The following DACH2 variants were observed in gnomAD, a reference collection of about 807,000 sequenced individuals.
The protein encoded by DACH2 is dachshund homolog 2.
Under a neutral mutation model 35.8 loss-of-function variants are expected in DACH2, and 17 were observed. The ratio of observed to expected loss-of-function variants is 0.48; its 90% CI spans 0.33 to 0.71. The LOEUF (loss-of-function observed/expected upper bound fraction) is 0.71, where lower values mean the gene tolerates loss of function less well. DACH2 is among the 30% of genes least tolerant of loss of function. The pLI, the probability that DACH2 is intolerant of heterozygous loss-of-function variation, is 0.02. For missense variants in DACH2, 469 were observed against 472.7 expected, an observed-to-expected ratio of 0.99 and a Z score of 0.07; for synonymous variants, 195 against 177.3, an observed-to-expected ratio of 1.10 and a Z score of -0.79.
chrX:86,711,430 T>G (rs758710720), intron 5 of DACH2, among the ~76,000 whole-genome samples: 1 of 111,966 alleles, frequency 8.9e-6, no homozygotes, highest in Non-Finnish European at 1.9e-5. Flanking sequence ...AAAAAAAGAA[T>G]TATTCTTTTA....
intron 2 of DACH2, among the ~76,000 whole-genome samples, chrX:86,478,725 G>T (rs1175126205): frequency 9.2e-6 from 1 of 108,635 alleles, no homozygotes; most frequent in African/African-American, 3.4e-5. Flanking sequence ...ATTCCTAGGG[G>T]GAGCAGACAG....
chrX:86,624,588 A>G (rs1602712528), intron 3 of DACH2, among the ~76,000 whole-genome samples: 2 of 112,113 alleles, frequency 1.8e-5, no homozygotes, highest in Non-Finnish European at 3.8e-5. Context: ...TGAACAAGTT[A>G]AGAAGTTACC....
chrX:86,419,535 G>C (rs924912868), intron 2 of DACH2, among the ~76,000 whole-genome samples: 1 of 111,463 alleles, frequency 9.0e-6, no homozygotes, highest in Non-Finnish European at 1.9e-5. Flanking sequence ...GTGCAGTAAA[G>C]ACCCACCCTC....
chrX:86,695,245 C>T (rs2041053968), intron 5 of DACH2, 66 bp downstream of exon 5: 6 of 871,639 alleles, frequency 6.9e-6, no homozygotes, highest in Non-Finnish European at 5.8e-6. Context: ...CTACTAGAAA[C>T]CTTTGGCTGG....
intron 4 of DACH2, among the ~76,000 whole-genome samples, chrX:86,692,455 A>G (rs961540092): frequency 9.0e-6 from 1 of 111,613 alleles, no homozygotes; most frequent in African/African-American, 3.3e-5. Context: ...TCACCAAAAC[A>G]TACACAAAAC....
chrX:86,423,568 C>A (rs182431583), intron 2 of DACH2, among the ~76,000 whole-genome samples: 1 of 108,802 alleles, frequency 9.2e-6, no homozygotes, highest in East Asian at 2.9e-4. Flanking sequence ...ATATTCTACC[C>A]TTTTCAGATG....
chrX:86,687,194 C>A (rs2040954418), intron 4 of DACH2, among the ~76,000 whole-genome samples: 1 of 111,168 alleles, frequency 9.0e-6, no homozygotes, highest in African/African-American at 3.3e-5. Flanking sequence ...GGTGATGATA[C>A]AAGTATAGAG....
intron 7 of DACH2, among the ~76,000 whole-genome samples, chrX:86,753,938 T>TA (rs202047286): frequency 0.32 from 29,805 of 93,913 alleles, 3,759 homozygotes; most frequent in Middle Eastern, 0.38. Flanking sequence ...GAGCTCACAA[T>TA]AAAAAAAAAA....
rs191851531 is a variant in DACH2 at position 86,456,888 on chromosome X, T to A, written c.528-57391T>A. Among the ~76,000 whole-genome samples the A allele has an allele frequency of 2.9e-4, 32 of 111,673 alleles. No homozygotes were observed. In the East Asian group the frequency reaches 3.6e-3, roughly 13 times the overall value. ...TATGTTGGTGTTTTTGTTTTTGTTT[T>A]CTCAATATGTCAAATATTCCACTCC... On this transcript the variant is annotated intron_variant, in intron 2 of 11. Coordinates refer to ENST00000373125, the MANE Select transcript of DACH2 (RefSeq NM_053281.3).
chrX:86,650,421 C>G (rs1018667979), intron 3 of DACH2, among the ~76,000 whole-genome samples: 3 of 111,044 alleles, frequency 2.7e-5, no homozygotes, highest in Non-Finnish European at 3.8e-5. Flanking sequence ...GCTAGGCAGC[C>G]TATCCTTTAT....
At chrX:86,709,321 T>C (rs962938297) in intron 5 of DACH2, among the ~76,000 whole-genome samples, 2 of 111,784 alleles carry the variant, frequency 1.8e-5, no homozygotes, top group African/African-American at 6.5e-5. Context: ...ATAGCATTTT[T>C]CTACAAATTA....
At chrX:86,496,868 A>C (rs970062059) in intron 2 of DACH2, among the ~76,000 whole-genome samples, 2 of 111,472 alleles carry the variant, frequency 1.8e-5, no homozygotes, top group Admixed American at 1.9e-4. Flanking sequence ...AGAGGATTGC[A>C]TGGTTTGAAT....
intron 2 of DACH2, among the ~76,000 whole-genome samples, chrX:86,405,671 C>T (rs1475007099): frequency 9.0e-6 from 1 of 111,731 alleles, no homozygotes; most frequent in Non-Finnish European, 1.9e-5. Context: ...CAACCTCTGC[C>T]TGTTACCCAG....
chrX:86,738,812 C>G (rs1196475951), intron 6 of DACH2, among the ~76,000 whole-genome samples: 1 of 111,014 alleles, frequency 9.0e-6, no homozygotes, highest in African/African-American at 3.3e-5. Flanking sequence ...GAAGAATTGA[C>G]CTTGATAGAT....
At chrX:86,224,679 C>T (rs890264833) in intron 1 of DACH2, among the ~76,000 whole-genome samples, 5 of 110,734 alleles carry the variant, frequency 4.5e-5, no homozygotes, top group South Asian at 3.8e-4. Context: ...ATGCTGAGAA[C>T]GCAGGATTTT....
intron 7 of DACH2, among the ~76,000 whole-genome samples, chrX:86,765,118 T>C (rs775704097): frequency 1.8e-5 from 2 of 111,914 alleles, no homozygotes; most frequent in African/African-American, 3.2e-5. Flanking sequence ...AAGTTCCTTG[T>C]AATTGTGGAC....
intron 2 of DACH2, among the ~76,000 whole-genome samples, chrX:86,461,554 G>T (rs191109755): frequency 1.9e-3 from 216 of 110,853 alleles, no homozygotes; most frequent in African/African-American, 6.8e-3. Flanking sequence ...CCTCAGAAAA[G>T]GGGTAATGCA....
intron 2 of DACH2, among the ~76,000 whole-genome samples, chrX:86,479,523 G>A (rs760832804): frequency 8.0e-4 from 89 of 111,486 alleles, no homozygotes; most frequent in Non-Finnish European, 1.2e-3. Context: ...TCTTTCTCTT[G>A]GTTTGGGAAG....
chrX:86,532,020 G>A (rs2038728689), intron 3 of DACH2, among the ~76,000 whole-genome samples: 1 of 113,186 alleles, frequency 8.8e-6, no homozygotes, highest in African/African-American at 3.2e-5. Context: ...GCTCAGCTGG[G>A]TTTTGGACTT....
Sources: gnomAD v4.1 joint callset for allele counts (sites outside exome capture counted in the v4.1 genomes callset) on GRCh38, gnomAD v4.1.1 for gene constraint, MANE v1.5 for transcripts, NCBI Gene and HGNC (gene_info 2026-07-23, HGNC 2026-07-21) for gene names.